DNAH14: variants seen among roughly 807,000 people sequenced by gnomAD.
The protein encoded by DNAH14 is axonemal beta dynein heavy chain 14.
Under a neutral mutation model 520.9 loss-of-function variants are expected in DNAH14, and 478 were observed. The ratio of observed to expected loss-of-function variants is 0.92; its 90% CI spans 0.85 to 0.99. DNAH14 has a LOEUF of 0.99. DNAH14 is among the 50% of genes least tolerant of loss of function. DNAH14 has a pLI of 0.00. For synonymous variants in DNAH14, 1,581 were observed against 1,757.2 expected (o/e 0.90, Z 2.51); for missense variants, 4,831 against 5,234.5 (o/e 0.92, Z 2.38).
At chr1:225,078,196 G>A (rs576036238) in intron 17 of DNAH14, among the ~76,000 whole-genome samples, 8 of 152,144 alleles carry the variant, frequency 5.3e-5, no homozygotes, top group African/African-American at 1.9e-4. Context: ...AATCAATTTG[G>A]GTTTGAATCA....
At chr1:225,054,304 A>AT (rs756461993) in intron 17 of DNAH14, among the ~76,000 whole-genome samples, 5 of 152,194 alleles carry the variant, frequency 3.3e-5, no homozygotes, top group Non-Finnish European at 5.9e-5. Flanking sequence ...TTATTAATAC[A>AT]TGGGGACTTG....
At chr1:225,295,971 T>C (rs2093997229) in intron 55 of DNAH14, among the ~76,000 whole-genome samples, 1 of 152,212 alleles carries the variant, frequency 6.6e-6, no homozygotes, top group Non-Finnish European at 1.5e-5. Context: ...TCTTGCAGAA[T>C]TGATTCCTTT....
At chr1:225,115,026 A>G (rs1050567502) in intron 23 of DNAH14, among the ~76,000 whole-genome samples, 1 of 152,186 alleles carries the variant, frequency 6.6e-6, no homozygotes, top group Admixed American at 6.5e-5. Flanking sequence ...TCAGTGGAGG[A>G]GTCTATTCAG....
chr1:225,056,878 C>T (rs1222679792), intron 17 of DNAH14, among the ~76,000 whole-genome samples: 4 of 152,114 alleles, frequency 2.6e-5, no homozygotes, highest in Non-Finnish European at 4.4e-5. Context: ...CTGTTCTGTT[C>T]CGTTGGTCTA....
chr1:225,284,620 T>C (rs1195003992), intron 54 of DNAH14, among the ~76,000 whole-genome samples: 1 of 152,172 alleles, frequency 6.6e-6, no homozygotes, highest in Non-Finnish European at 1.5e-5. Flanking sequence ...GAGGGAATAC[T>C]TCCCAATTCA....
intron 60 of DNAH14, among the ~76,000 whole-genome samples, chr1:225,311,806 A>G (rs556717336): frequency 2.1e-4 from 32 of 152,110 alleles, no homozygotes; most frequent in African/African-American, 6.7e-4. Flanking sequence ...TGGTCTATAT[A>G]TCTGTTTTAG....
intron 21 of DNAH14, among the ~76,000 whole-genome samples, chr1:225,089,942 C>G (rs2074229702): frequency 6.6e-6 from 1 of 152,100 alleles, no homozygotes; most frequent in Admixed American, 6.5e-5. Flanking sequence ...CTACATTTTA[C>G]TGGAGTTTCC....
At chr1:225,074,189 C>T (rs376011621) in intron 17 of DNAH14, among the ~76,000 whole-genome samples, 4 of 151,486 alleles carry the variant, frequency 2.6e-5, no homozygotes, top group Non-Finnish European at 2.9e-5. Flanking sequence ...TTAGTAGAGA[C>T]GGGGTTTCAC....
intron 75 of DNAH14, among the ~76,000 whole-genome samples, chr1:225,361,740 C>T (rs1325875950): frequency 3.3e-5 from 5 of 152,168 alleles, no homozygotes; most frequent in African/African-American, 7.2e-5. Flanking sequence ...ACTATACCAG[C>T]GGGGCACAGT....
chr1:225,330,451 C>T (rs2094771375), intron 64 of DNAH14, among the ~76,000 whole-genome samples: 1 of 152,188 alleles, frequency 6.6e-6, no homozygotes, highest in African/African-American at 2.4e-5. Context: ...TGTACTTATA[C>T]ACAGTGGAGT....
chr1:224,945,961 G>T (rs1242499741), intron 1 of DNAH14, among the ~76,000 whole-genome samples: 1 of 152,296 alleles, frequency 6.6e-6, no homozygotes, highest in African/African-American at 2.4e-5. Flanking sequence ...GAGGCAGTCT[G>T]TCCGTTCTCA....
chr1:225,151,404 T>C (rs1357343168), intron 31 of DNAH14, among the ~76,000 whole-genome samples: 2 of 152,192 alleles, frequency 1.3e-5, no homozygotes, highest in South Asian at 2.1e-4. Context: ...TCCCCATTTA[T>C]GTCCAGAGAG....
chr1:224,957,937 A>G (rs1373784011), intron 3 of DNAH14, among the ~76,000 whole-genome samples: 1 of 152,128 alleles, frequency 6.6e-6, no homozygotes, highest in South Asian at 2.1e-4. Context: ...AGCTGCTTGG[A>G]TATGCAAAAG....
At chr1:225,390,258 T>C (rs1473892525) in intron 83 of DNAH14, among the ~76,000 whole-genome samples, 1 of 152,216 alleles carries the variant, frequency 6.6e-6, no homozygotes, top group East Asian at 1.9e-4. Flanking sequence ...TTCATTCATT[T>C]ATTTCTGTAA....
chr1:225,377,672 TA>T (rs936002743), intron 79 of DNAH14, among the ~76,000 whole-genome samples: 6 of 149,812 alleles, frequency 4.0e-5, no homozygotes, highest in Admixed American at 1.3e-4. Flanking sequence ...AGACCCTGTC[TA>T]AAAAAAAAAT....
chr1:225,064,176 C>T (rs575375439), intron 17 of DNAH14, among the ~76,000 whole-genome samples: 159 of 152,070 alleles, frequency 1.0e-3, no homozygotes, highest in African/African-American at 3.3e-3. Flanking sequence ...ACAACCTGTG[C>T]TAAACATCAT....
chr1:224,940,429 G>C (rs534471952), intron 1 of DNAH14, among the ~76,000 whole-genome samples: 1 of 152,178 alleles, frequency 6.6e-6, no homozygotes, highest in African/African-American at 2.4e-5. Flanking sequence ...TTTGGATACT[G>C]TGTATTACAT....
intron 21 of DNAH14, among the ~76,000 whole-genome samples, chr1:225,095,932 A>G (rs1393050794): frequency 3.3e-5 from 5 of 152,144 alleles, no homozygotes; most frequent in Non-Finnish European, 2.9e-5. Flanking sequence ...TTTCACAGGT[A>G]GAACATGTTA....
chr1:225,127,341 C>G (rs2077840649), intron 27 of DNAH14, among the ~76,000 whole-genome samples: 3 of 151,344 alleles, frequency 2.0e-5, no homozygotes, highest in African/African-American at 7.3e-5. Context: ...GTGTGGGAGT[C>G]TAAGTCTCTT....
Sources: allele counts gnomAD v4.1 joint callset (sites outside exome capture counted in the v4.1 genomes callset), GRCh38; gene constraint gnomAD v4.1.1; transcripts MANE v1.5; gene names NCBI Gene and HGNC (gene_info 2026-07-23, HGNC 2026-07-21).